SPARC: variants seen among roughly 807,000 people sequenced by gnomAD.
SPARC encodes secreted protein acidic and cysteine rich.
In SPARC, 23 loss-of-function variants were observed where a neutral mutation model predicts 37.7. The ratio of observed to expected loss-of-function variants is 0.61; its 90% CI spans 0.44 to 0.87. The LOEUF (loss-of-function observed/expected upper bound fraction) is 0.87. Among genes scored for constraint, SPARC ranks in the 40% least tolerant of loss-of-function variants. SPARC has a pLI of 0.00. For missense variants in SPARC, 312 were observed against 389.0 expected (o/e 0.80, Z 1.66); for synonymous variants, 155 against 150.8 (o/e 1.03, Z -0.20).
chr5:151,678,447 A>G (rs2113110798), intron 1 of SPARC, among the ~76,000 whole-genome samples: 1 of 152,200 alleles, frequency 6.6e-6, no homozygotes, highest in East Asian at 1.9e-4. Flanking sequence ...GAGAAAAATA[A>G]CTCTAAGTCT....
chr5:151,686,762 T>C (rs573548624), intron 1 of SPARC, 103 bp downstream of exon 1: 10 of 152,372 alleles, frequency 6.6e-5, no homozygotes, highest in African/African-American at 2.4e-4. Context: ...AGGCGCATCC[T>C]CAGCAGAGCT....
chr5:151,667,403 A>G, intron 7 of SPARC, 64 bp downstream of exon 7: 1 of 1,601,086 alleles, frequency 6.2e-7, no homozygotes, highest in Non-Finnish European at 8.6e-7. Context: ...CTGGGGGCCC[A>G]GTTCTAGGAA....
intron 9 of SPARC, 69 bp downstream of exon 9, chr5:151,664,018 G>C: frequency 1.3e-6 from 2 of 1,577,204 alleles, no homozygotes; most frequent in Non-Finnish European, 8.7e-7. Flanking sequence ...AGAGTGGGGG[G>C]ATGACAACCC....
chr5:151,671,208 G>C (rs1267559016), intron 5 of SPARC, among the ~76,000 whole-genome samples: 1 of 152,178 alleles, frequency 6.6e-6, no homozygotes, highest in Non-Finnish European at 1.5e-5. Context: ...CGGCAACTTA[G>C]CTTAAATCTC....
chr5:151,670,022 G>C (rs1380012624), intron 5 of SPARC, among the ~76,000 whole-genome samples: 1 of 152,184 alleles, frequency 6.6e-6, no homozygotes, highest in African/African-American at 2.4e-5. Flanking sequence ...GCATGACTGA[G>C]TCAGTTCTGA....
intron 1 of SPARC, among the ~76,000 whole-genome samples, chr5:151,681,428 C>T (rs1463452739): frequency 1.3e-5 from 2 of 152,216 alleles, no homozygotes; most frequent in Non-Finnish European, 2.9e-5. Flanking sequence ...AGAACTAACA[C>T]CCCCAGCTTG....
chr5:151,673,480 G>A (rs1299410278), intron 3 of SPARC, among the ~76,000 whole-genome samples: 1 of 152,194 alleles, frequency 6.6e-6, no homozygotes, highest in Non-Finnish European at 1.5e-5. Context: ...AAGTCAAGCT[G>A]AGAACTGCAT....
intron 1 of SPARC, among the ~76,000 whole-genome samples, chr5:151,684,533 T>C (rs1761083709): frequency 6.7e-6 from 1 of 148,810 alleles, no homozygotes; most frequent in Non-Finnish European, 1.5e-5. Context: ...ATTATGATTT[T>C]AAAATTTTTC....
At chr5:151,664,482 A>G (rs1279427882) in intron 8 of SPARC, among the ~76,000 whole-genome samples, 5 of 152,188 alleles carry the variant, frequency 3.3e-5, no homozygotes, top group African/African-American at 7.2e-5. Flanking sequence ...GGCCATAATT[A>G]CTAACGGCCC....
At chr5:151,679,472 G>A (rs1760936155) in intron 1 of SPARC, 1 of 152,336 alleles carries the variant, frequency 6.6e-6, no homozygotes, top group Non-Finnish European at 1.5e-5. Context: ...ATGGGGCTCA[G>A]TTGGGCCTTG....
chr5:151,680,615 C>G (rs1760966652), intron 1 of SPARC, among the ~76,000 whole-genome samples: 1 of 152,214 alleles, frequency 6.6e-6, no homozygotes, highest in Admixed American at 6.5e-5. Flanking sequence ...AACTATGAGG[C>G]AGTATAGCAT....
chr5:151,683,343 C>T (rs1046876442), intron 1 of SPARC, among the ~76,000 whole-genome samples: 1 of 152,234 alleles, frequency 6.6e-6, no homozygotes, highest in African/African-American at 2.4e-5. Context: ...TGCTGCTCAC[C>T]ACTTAGTATC....
rs183687856 is a variant in SPARC at position 151,674,246 on chromosome 5, C to G, written c.120+366G>C. Among the ~76,000 whole-genome samples the G allele has an allele frequency of 4.1e-4, 62 of 152,188 alleles. No homozygotes were observed. The East Asian group carries it at 7.9e-3, about 19-fold the overall frequency. On this transcript the variant is annotated intron_variant, in intron 3 of 9. Coordinates refer to ENST00000231061, the MANE Select transcript of SPARC (RefSeq NM_003118.4). ...CACACTGGTCTTGAACTCCTGACCT[C>G]GTGAATTGCCTGCCTCGGCCTCCCA...
chr5:151,682,912 A>G (rs926182003), intron 1 of SPARC, among the ~76,000 whole-genome samples: 2 of 152,308 alleles, frequency 1.3e-5, no homozygotes, highest in Admixed American at 6.5e-5. Flanking sequence ...ATTGTTGTCT[A>G]TGTTCATGTT....
chr5:151,666,607 A>G, intron 7 of SPARC, 98 bp from the exon 8 acceptor site: 1 of 1,106,700 alleles, frequency 9.0e-7, no homozygotes. Context: ...GCAGGCAGAG[A>G]CTAGCCAGAC....
At chr5:151,680,216 CTTTT>C (rs58021431) in intron 1 of SPARC, among the ~76,000 whole-genome samples, 23 of 61,962 alleles carry the variant, frequency 3.7e-4, no homozygotes, top group Admixed American at 4.8e-4. Flanking sequence ...TGGAAAACAT[CTTTT>C]TTTTTTTTTT....
chr5:151,666,566 C>T (rs954387062), intron 7 of SPARC, 57 bp from the exon 8 acceptor site: 23 of 1,542,110 alleles, frequency 1.5e-5, no homozygotes, highest in Middle Eastern at 3.6e-4. Context: ...CTGGACCAGT[C>T]GGGCCCTCCC....
chr5:151,671,445 G>T, intron 5 of SPARC, 128 bp downstream of exon 5: 1 of 1,144,302 alleles, frequency 8.7e-7, no homozygotes, highest in Non-Finnish European at 1.2e-6. Context: ...CTGGGACTAG[G>T]TCTAGCAAGG....
Position 151,669,871 on chromosome 5 carries a change from C to T in SPARC, c.331-87G>A, listed in dbSNP as rs1760711274. ...TCCTTGTCCATTTCAGAGATGGGGA[C>T]ACTGAGGGTTAAGCAAGGAATGTCA... On this transcript the variant is annotated intron_variant, in intron 5 of 9. Transcript: ENST00000231061. 4 of 1,536,392 alleles carry T rather than the reference C, an allele frequency of 2.6e-6. No individual in the cohort carries two copies. In the South Asian group the frequency reaches 4.8e-5, roughly 18 times the overall value.
Sources: gnomAD v4.1 joint callset for allele counts (sites outside exome capture counted in the v4.1 genomes callset) on GRCh38, gnomAD v4.1.1 for gene constraint, MANE v1.5 for transcripts, NCBI Gene and HGNC (gene_info 2026-07-23, HGNC 2026-07-21) for gene names.